The following PRKG1 variants were observed in gnomAD, a reference collection of about 807,000 sequenced individuals.
PRKG1 encodes the protein cGMP-dependent protein kinase 1.
In PRKG1, 35 loss-of-function variants were observed where a neutral mutation model predicts 88.1. The ratio of observed to expected loss-of-function variants is 0.40; its 90% CI spans 0.30 to 0.53. PRKG1 has a LOEUF of 0.53. Among genes scored for constraint, PRKG1 ranks in the 20% least tolerant of loss-of-function variants. The pLI is 0.59. For synonymous variants in PRKG1, 303 were observed against 292.5 expected (o/e 1.04, Z -0.37); for missense variants, 540 against 839.8 (o/e 0.64, Z 4.41).
intron 3 of PRKG1, among the ~76,000 whole-genome samples, chr10:51,485,948 T>G (rs1840523007): frequency 6.6e-6 from 1 of 152,178 alleles, no homozygotes; most frequent in Non-Finnish European, 1.5e-5. Flanking sequence ...ACAGTTCTCA[T>G]TAGAACAAGA....
At chr10:51,425,496 A>G (rs145096940) in intron 2 of PRKG1, among the ~76,000 whole-genome samples, 1 of 152,344 alleles carries the variant, frequency 6.6e-6, no homozygotes, top group Non-Finnish European at 1.5e-5. Flanking sequence ...AGTTGATAAG[A>G]GCACTCCAGC....
chr10:51,941,295 T>C (rs2133029496), intron 5 of PRKG1, among the ~76,000 whole-genome samples: 1 of 152,100 alleles, frequency 6.6e-6, no homozygotes, highest in Non-Finnish European at 1.5e-5. Context: ...CTATGAGACT[T>C]AAGAAATAGA....
intron 3 of PRKG1, among the ~76,000 whole-genome samples, chr10:51,716,404 T>C (rs970094759): frequency 2.0e-5 from 3 of 152,210 alleles, no homozygotes; most frequent in African/African-American, 7.2e-5. Flanking sequence ...CCCAGGTATC[T>C]GGACAGTCAT....
chr10:51,951,778 C>T (rs1180622893), intron 5 of PRKG1, among the ~76,000 whole-genome samples: 2 of 152,124 alleles, frequency 1.3e-5, no homozygotes, highest in Non-Finnish European at 2.9e-5. Flanking sequence ...CTAGTTGGAA[C>T]GAACCTCTAA....
At chr10:51,395,411 C>T (rs1355102352) in intron 2 of PRKG1, among the ~76,000 whole-genome samples, 1 of 152,206 alleles carries the variant, frequency 6.6e-6, no homozygotes, top group Non-Finnish European at 1.5e-5. Flanking sequence ...TTATAGATCA[C>T]TGCTTAACCT....
chr10:51,978,172 GTTATTCCAGCACCAT>G (rs140019038), intron 5 of PRKG1, among the ~76,000 whole-genome samples: 14,474 of 151,848 alleles, frequency 0.095, 729 homozygotes, highest in African/African-American at 0.11. Context: ...TGACTAGCTA[GTTATTCCAGCACCAT>G]TTATTCCAGC....
At chr10:51,462,375 C>T (rs1249717627) in intron 2 of PRKG1, among the ~76,000 whole-genome samples, 1 of 152,112 alleles carries the variant, frequency 6.6e-6, no homozygotes, top group East Asian at 1.9e-4. Flanking sequence ...TGGCACAAAA[C>T]CAGAGGTTAG....
chr10:51,568,212 G>A (rs72795187), intron 3 of PRKG1, among the ~76,000 whole-genome samples: 7,106 of 151,932 alleles, frequency 0.047, 238 homozygotes, highest in South Asian at 0.12. Context: ...AGTATTGTCC[G>A]AATGAGTGAA....
intron 1 of PRKG1, among the ~76,000 whole-genome samples, chr10:50,993,507 A>C (rs1842802806): frequency 6.6e-6 from 1 of 152,148 alleles, no homozygotes; most frequent in Admixed American, 6.5e-5. Context: ...GTGCATTCCG[A>C]GCGGCTGCCC....
At chr10:51,085,122 A>C (rs1370751266) in intron 1 of PRKG1, among the ~76,000 whole-genome samples, 1 of 152,248 alleles carries the variant, frequency 6.6e-6, no homozygotes, top group Non-Finnish European at 1.5e-5. Context: ...TAATTGCTAC[A>C]GATGGAAAAT....
chr10:52,105,763 T>C (rs1413507533), intron 7 of PRKG1, among the ~76,000 whole-genome samples: 1 of 152,138 alleles, frequency 6.6e-6, no homozygotes, highest in African/African-American at 2.4e-5. Flanking sequence ...TTTCCTGATG[T>C]TGTCCCTCCC....
chr10:52,089,212 G>T (rs904261510), intron 7 of PRKG1, among the ~76,000 whole-genome samples: 1 of 152,086 alleles, frequency 6.6e-6, no homozygotes, highest in Non-Finnish European at 1.5e-5. Context: ...TTTTAAAAAA[G>T]GTTTCACTTC....
intron 2 of PRKG1, among the ~76,000 whole-genome samples, chr10:51,338,526 T>G (rs1841931055): frequency 6.6e-6 from 1 of 152,114 alleles, no homozygotes; most frequent in African/African-American, 2.4e-5. Context: ...AGTTATGAGA[T>G]AGATGCCCTA....
intron 1 of PRKG1, among the ~76,000 whole-genome samples, chr10:51,125,960 T>A (rs1302947559): frequency 1.4e-4 from 18 of 129,424 alleles, no homozygotes; most frequent in Admixed American, 1.2e-3. Context: ...ATTTTATATA[T>A]GAATATATAA....
At chr10:51,427,520 AG>A (rs1564490260) in intron 2 of PRKG1, among the ~76,000 whole-genome samples, 1 of 152,206 alleles carries the variant, frequency 6.6e-6, no homozygotes, top group African/African-American at 2.4e-5. Flanking sequence ...TTTAATACAT[AG>A]GTCACCAAGC....
At chr10:51,238,236 G>A (rs906228341) in intron 2 of PRKG1, among the ~76,000 whole-genome samples, 1 of 152,084 alleles carries the variant, frequency 6.6e-6, no homozygotes, top group African/African-American at 2.4e-5. Context: ...GGTGGGCATC[G>A]AACTTTCATC....
intron 5 of PRKG1, among the ~76,000 whole-genome samples, chr10:52,009,000 A>C (rs1844811945): frequency 6.6e-6 from 1 of 152,170 alleles, no homozygotes; most frequent in South Asian, 2.1e-4. Context: ...AAAACCCTCG[A>C]TAAACTAGGC....
At chr10:51,893,879 G>A (rs948575975) in intron 4 of PRKG1, among the ~76,000 whole-genome samples, 10 of 152,062 alleles carry the variant, frequency 6.6e-5, no homozygotes, top group African/African-American at 2.4e-4. Flanking sequence ...GATTCTAAGT[G>A]TCCTGTTACT....
intron 2 of PRKG1, among the ~76,000 whole-genome samples, chr10:51,287,924 T>A (rs182506273): frequency 2.3e-3 from 354 of 152,296 alleles, no homozygotes; most frequent in African/African-American, 7.7e-3. Context: ...GGCCAGATGA[T>A]GTCTATAATA....
Sources: gnomAD v4.1 joint callset for allele counts (sites outside exome capture counted in the v4.1 genomes callset) on GRCh38, gnomAD v4.1.1 for gene constraint, MANE v1.5 for transcripts, NCBI Gene and HGNC (gene_info 2026-07-23, HGNC 2026-07-21) for gene names.